Variants in CWC27 observed in about 807,000 individuals in gnomAD.
CWC27 encodes spliceosome-associated protein CWC27 homolog.
CWC27 carries 47 observed loss-of-function variants against 63.6 expected under a neutral mutation model. The observed-to-expected ratio is 0.74, with a 90% CI of 0.58 to 0.94. CWC27 has a LOEUF of 0.94. CWC27 is among the 40% of genes least tolerant of loss of function. The probability of loss-of-function intolerance (pLI) is 0.00; values close to 1 mark genes in which losing one functional copy is unlikely to be tolerated. For synonymous variants in CWC27, 175 were observed against 179.8 expected (o/e 0.97, Z 0.22); for missense variants, 495 against 554.3 (o/e 0.89, Z 1.07).
intron 1 of CWC27, among the ~76,000 whole-genome samples, chr5:64,769,487 G>T (rs1295493506): frequency 6.6e-6 from 1 of 152,144 alleles, no homozygotes; most frequent in African/African-American, 2.4e-5. Context: ...AGACATTTTT[G>T]AGTTTGATAT....
Position 64,929,979 on chromosome 5 carries a change from C to T in CWC27, c.1043-41724C>T, listed in dbSNP as rs547084777. ...AAAAAGGGAAACAACCCAGACAAAA[C>T]AGCCTAAACAAACTGTGATGTATTC... is the stretch of plus-strand genomic sequence containing the variant. On this transcript the variant is annotated intron_variant, in intron 11 of 13. Coordinates refer to ENST00000381070, the MANE Select transcript of CWC27 (RefSeq NM_005869.4). 2.0e-5 allele frequency among the ~76,000 whole-genome samples: 3 copies of T among 146,852 alleles called. No homozygotes were observed. In the South Asian group the frequency reaches 7.0e-4, roughly 34 times the overall value.
intron 11 of CWC27, among the ~76,000 whole-genome samples, chr5:64,887,357 T>G (rs1190513443): frequency 6.6e-6 from 1 of 152,044 alleles, no homozygotes; most frequent in Non-Finnish European, 1.5e-5. Context: ...CAATCTGCTT[T>G]TATTTATTTA....
At chr5:65,003,490 C>A (rs757448253) in intron 13 of CWC27, among the ~76,000 whole-genome samples, 2 of 152,106 alleles carry the variant, frequency 1.3e-5, no homozygotes, top group Non-Finnish European at 2.9e-5. Flanking sequence ...ATCTTCTCTA[C>A]AATGAGTTTT....
intron 10 of CWC27, among the ~76,000 whole-genome samples, chr5:64,838,271 C>T (rs753882950): frequency 5.3e-5 from 8 of 151,948 alleles, no homozygotes; most frequent in South Asian, 2.1e-4. Context: ...ACCAAAGATC[C>T]GATGTTTTTA....
At position 64,769,002 on chromosome 5, in the gene CWC27, G is replaced by A; in HGVS notation, c.-145G>A. ...CCTTTGGGCAGGGGTAGTGTTTGGTGTCCCTGTCTTGCGTGATATTGACAA... is the reference window on the plus strand; with the variant it reads ...CCTTTGGGCAGGGGTAGTGTTTGGTATCCCTGTCTTGCGTGATATTGACAA... On this transcript the variant is annotated 5_prime_UTR_variant, in exon 1 of 14. Transcript: ENST00000381070. The A allele has an allele frequency of 1.5e-6, 1 of 685,208 alleles. No homozygotes were observed. The highest frequency in any genetic ancestry group is 2.6e-6 in the Non-Finnish European group (1 of 387,780). 42.4% of individuals were successfully genotyped at this position (685,208 alleles called of 1,614,324 possible).
At chr5:64,938,394 G>A (rs186527701) in intron 11 of CWC27, among the ~76,000 whole-genome samples, 1 of 152,194 alleles carries the variant, frequency 6.6e-6, no homozygotes, top group East Asian at 1.9e-4. Flanking sequence ...GAAATTCTGG[G>A]TTGAAAATTC....
At chr5:64,807,755 A>C (rs1561416429) in intron 10 of CWC27, 5 of 1,535,740 alleles carry the variant, frequency 3.3e-6, no homozygotes. Flanking sequence ...TTTACTTCAC[A>C]CTTCAAACTC....
intron 11 of CWC27, among the ~76,000 whole-genome samples, 192 bp downstream of exon 11, chr5:64,885,738 T>TGTGTGTGTGTGTGTGTGTGTG (rs60595588): frequency 7.8e-5 from 11 of 141,386 alleles, no homozygotes; most frequent in East Asian, 1.9e-4. Flanking sequence ...TGTGTGTGTG[T>TGTGTGTGTGTGTGTGTGTGTG]TTTTAATACT....
At chr5:64,791,408 C>T (rs964662443) in intron 7 of CWC27, among the ~76,000 whole-genome samples, 1 of 151,730 alleles carries the variant, frequency 6.6e-6, no homozygotes, top group African/African-American at 2.4e-5. Context: ...AAGCAATTTG[C>T]GTTTCAGATT....
intron 11 of CWC27, among the ~76,000 whole-genome samples, chr5:64,885,966 T>A (rs1421341807): frequency 1.3e-5 from 2 of 152,154 alleles, no homozygotes; most frequent in Admixed American, 1.3e-4. Context: ...GCATATTCTT[T>A]AAAACATTTT....
chr5:64,859,060 A>G (rs552618375), intron 10 of CWC27, among the ~76,000 whole-genome samples: 108 of 152,366 alleles, frequency 7.1e-4, no homozygotes, highest in African/African-American at 2.5e-3. Context: ...GGAAATGTTT[A>G]TGGAGTACTA....
At chr5:64,854,861 C>T (rs1746215462) in intron 10 of CWC27, among the ~76,000 whole-genome samples, 1 of 151,916 alleles carries the variant, frequency 6.6e-6, no homozygotes, top group Non-Finnish European at 1.5e-5. Flanking sequence ...TTTAATAACA[C>T]TTGGGAAAGA....
At chr5:64,961,546 A>G (rs1748912465) in intron 11 of CWC27, among the ~76,000 whole-genome samples, 1 of 152,184 alleles carries the variant, frequency 6.6e-6, no homozygotes, top group Non-Finnish European at 1.5e-5. Flanking sequence ...TGATACTTAC[A>G]TTGTAAGTGA....
chr5:64,892,037 C>A (rs185537883), intron 11 of CWC27, among the ~76,000 whole-genome samples: 2 of 152,220 alleles, frequency 1.3e-5, no homozygotes, highest in Non-Finnish European at 2.9e-5. Context: ...TTAGGTGATC[C>A]GGCTGCCTCA....
chr5:64,878,740 A>G (rs1746860395), intron 10 of CWC27, among the ~76,000 whole-genome samples: 1 of 151,890 alleles, frequency 6.6e-6, no homozygotes, highest in African/African-American at 2.4e-5. Flanking sequence ...GGCATGAACA[A>G]AGGAGTATGT....
chr5:64,992,310 G>A (rs938869045), intron 13 of CWC27, among the ~76,000 whole-genome samples: 6 of 152,132 alleles, frequency 3.9e-5, no homozygotes, highest in Non-Finnish European at 8.8e-5. Flanking sequence ...AGATCCTATG[G>A]CAATAAATGG....
intron 11 of CWC27, among the ~76,000 whole-genome samples, chr5:64,901,880 A>G (rs958181939): frequency 6.6e-6 from 1 of 152,170 alleles, no homozygotes; most frequent in Admixed American, 6.5e-5. Context: ...TTACTTAAAA[A>G]GAAGACAAAA....
At position 64,783,911 on chromosome 5, in the gene CWC27, G is replaced by A. The variant is rs566171437; in HGVS notation, c.328G>A (p.Gly110Ser). The A allele has an allele frequency of 6.0e-5, 96 of 1,607,738 alleles. No homozygotes were observed. In the South Asian group the frequency reaches 9.9e-4, roughly 17 times the overall value. Residue 110 changes from glycine to serine, a missense_variant, in exon 4 of 14, where the codon GGC (glycine) becomes AGC (serine). By Grantham distance (56) the Gly-to-Ser change is moderately conservative (BLOSUM62 0). Transcript: ENST00000381070. ...GGCAAATGCTGGTTCTCATGATAAT[G>A]GCAGCCAGTTTTTCTTCACACTGGG... ...AMANAGSHDNGSQFFFTLGRA... is the reference protein window; with the variant it reads ...AMANAGSHDNSSQFFFTLGRA...
chr5:64,831,765 T>C (rs1055586968), intron 10 of CWC27, among the ~76,000 whole-genome samples: 4 of 151,828 alleles, frequency 2.6e-5, no homozygotes, highest in Non-Finnish European at 4.4e-5. Context: ...AATCTTCACA[T>C]AAAAAACATA....
Sources: gnomAD v4.1 joint callset for allele counts (sites outside exome capture counted in the v4.1 genomes callset) on GRCh38, gnomAD v4.1.1 for gene constraint, MANE v1.5 for transcripts, NCBI Gene and HGNC (gene_info 2026-07-23, HGNC 2026-07-21) for gene names.